The following TMEM44 variants were observed in gnomAD, a reference collection of about 807,000 sequenced individuals.
TMEM44 encodes the protein transmembrane protein 44.
In TMEM44, 43 loss-of-function variants were observed where a neutral mutation model predicts 47.8. The ratio of observed to expected loss-of-function variants is 0.90; its 90% CI spans 0.70 to 1.16. The LOEUF (loss-of-function observed/expected upper bound fraction) is 1.16, where lower values mean the gene tolerates loss of function less well. TMEM44 is among the 50% of genes most tolerant of loss of function. The probability of loss-of-function intolerance (pLI) is 0.00; values close to 1 mark genes in which losing one functional copy is unlikely to be tolerated. For synonymous variants in TMEM44, 277 were observed against 238.8 expected, an observed-to-expected ratio of 1.16 and a Z score of -1.48; for missense variants, 568 against 555.2, an observed-to-expected ratio of 1.02 and a Z score of -0.23.
intron 5 of TMEM44, 127 bp downstream of exon 5, chr3:194,623,097 A>G: frequency 1.1e-6 from 1 of 885,150 alleles, no homozygotes; most frequent in Non-Finnish European, 1.7e-6. Context: ...CTCTTCAGGA[A>G]AAGCTGAGCC....
intron 8 of TMEM44, among the ~76,000 whole-genome samples, chr3:194,606,370 G>C (rs879301971): frequency 1.3e-5 from 2 of 152,106 alleles, no homozygotes; most frequent in African/African-American, 2.4e-5. Flanking sequence ...AATGGGATAT[G>C]TATCAGTGGA....
intron 1 of TMEM44, 30 bp downstream of exon 1, chr3:194,633,049 C>CGACAGCCGCCA (rs912107189): frequency 1.8e-5 from 28 of 1,545,350 alleles, no homozygotes; most frequent in Non-Finnish European, 2.4e-5. Context: ...TTTCCCCGCC[C>CGACAGCCGCCA]GACAGCCCCC....
At chr3:194,604,467 G>C in intron 8 of TMEM44, 22 bp from the exon 9 acceptor site, 1 of 1,483,144 alleles carries the variant, frequency 6.7e-7, no homozygotes, top group Non-Finnish European at 9.0e-7. Context: ...GTGAGAAAGG[G>C]CAGGCAAGGA....
At chr3:194,626,588 G>A (rs934439955) in intron 2 of TMEM44, among the ~76,000 whole-genome samples, 3 of 152,026 alleles carry the variant, frequency 2.0e-5, no homozygotes, top group African/African-American at 7.3e-5. Context: ...CTCTACATCT[G>A]TAGAACAGGA....
chr3:194,602,245 A>C (rs1051305614), intron 9 of TMEM44, among the ~76,000 whole-genome samples: 7 of 152,200 alleles, frequency 4.6e-5, no homozygotes, highest in Non-Finnish European at 8.8e-5. Context: ...AGAGACGCAA[A>C]GGCAACCCAG....
At chr3:194,594,329 A>T (rs957581836) in intron 9 of TMEM44, among the ~76,000 whole-genome samples, 5 of 151,346 alleles carry the variant, frequency 3.3e-5, no homozygotes, top group African/African-American at 1.2e-4. Context: ...ATGCCCAGCT[A>T]ATTTTGTATT....
chr3:194,602,713 G>T (rs569154049), intron 9 of TMEM44, among the ~76,000 whole-genome samples: 63 of 152,298 alleles, frequency 4.1e-4, no homozygotes, highest in Non-Finnish European at 8.2e-4. Context: ...AGAAGAGTCC[G>T]TGGCCAGGTA....
chr3:194,604,948 C>T (rs908104097), intron 8 of TMEM44, among the ~76,000 whole-genome samples: 12 of 152,148 alleles, frequency 7.9e-5, no homozygotes, highest in African/African-American at 2.4e-4. Context: ...TTCCCAGAGG[C>T]GGAATTGCTG....
chr3:194,603,424 GTC>G (rs1714384802), intron 9 of TMEM44, among the ~76,000 whole-genome samples: 1 of 151,916 alleles, frequency 6.6e-6, no homozygotes, highest in African/African-American at 2.4e-5. Context: ...TTTAGATGGA[GTC>G]TCGCTCTGTT....
At chr3:194,627,848 G>A (rs1038618326) in intron 2 of TMEM44, among the ~76,000 whole-genome samples, 4 of 152,062 alleles carry the variant, frequency 2.6e-5, no homozygotes, top group East Asian at 1.9e-4. Context: ...GTGTGGTGGC[G>A]TGCGCCTGTA....
chr3:194,592,232 A>C (rs1266071732), intron 9 of TMEM44, among the ~76,000 whole-genome samples: 51 of 152,040 alleles, frequency 3.4e-4, no homozygotes, highest in Non-Finnish European at 6.2e-4. Context: ...CTCAAAAAAA[A>C]AAAAAAAAAA....
chr3:194,614,224 C>T (rs1041152425), intron 7 of TMEM44, among the ~76,000 whole-genome samples: 6 of 152,136 alleles, frequency 3.9e-5, no homozygotes, highest in Admixed American at 2.0e-4. Context: ...AATGGGTCCT[C>T]GTGGCTTGAG....
chr3:194,588,340 G>A lies in TMEM44; in HGVS notation c.*189C>T, dbSNP rs1483432430. The stretch of plus-strand genomic sequence containing the variant: ...CTGGGCCTATCCAGGTCTGTCCGCA[G>A]TACCCAAAGTCGTAGCTCCGTGATG... On this transcript the variant is annotated 3_prime_UTR_variant, in exon 10 of 10. Transcript: ENST00000347147. 8.5e-6 allele frequency: 5 copies of A among 586,928 alleles called. No homozygotes were observed. The highest frequency in any genetic ancestry group is 1.5e-5 in the Non-Finnish European group (5 of 331,178). 36.4% of individuals were successfully genotyped at this position (586,928 alleles called of 1,614,324 possible). A position where few individuals can be genotyped will look rare whatever the true frequency, so the allele number is the denominator to read the frequency against.
chr3:194,622,013 ATTC>A (rs1157535950), intron 5 of TMEM44, among the ~76,000 whole-genome samples: 13 of 152,182 alleles, frequency 8.5e-5, no homozygotes, highest in Admixed American at 3.3e-4. Context: ...CACCCAGCTG[ATTC>A]TTTTCAGACT....
intron 1 of TMEM44, among the ~76,000 whole-genome samples, chr3:194,629,585 C>T (rs1717550388): frequency 6.6e-6 from 1 of 150,850 alleles, no homozygotes; most frequent in Non-Finnish European, 1.5e-5. Flanking sequence ...TACATGCCTC[C>T]TGAAGGGGCT....
At position 194,630,892 on chromosome 3, in the gene TMEM44, C is replaced by T. The variant is rs113186493; in HGVS notation, c.137+2187G>A. Among the ~76,000 whole-genome samples the T allele has an allele frequency of 3.7e-4, 52 of 142,078 alleles. 1 individual carries two copies. The highest frequency in any genetic ancestry group is 1.3e-3 in the African/African-American group (49 of 37,046). The allele number at this position is 142,078 out of a possible 152,430, so 93.2% of individuals were successfully genotyped here. A position where few individuals can be genotyped will look rare whatever the true frequency, so the allele number is the denominator to read the frequency against. On this transcript the variant is annotated intron_variant, in intron 1 of 9. Transcript: ENST00000347147. ...GCCTCCCGAAGGGGCTGGCTGTTTC[C>T]GTCAGCGTCACTGATGGGGCCTCTG...
intron 6 of TMEM44, chr3:194,616,345 C>T (rs1351881781): frequency 6.4e-6 from 2 of 311,912 alleles, no homozygotes; most frequent in Non-Finnish European, 1.3e-5. Context: ...AGCCACCGTG[C>T]CCGGCCCAGA....
intron 9 of TMEM44, chr3:194,589,166 A>G (rs1447109868): frequency 6.5e-6 from 1 of 154,356 alleles, no homozygotes; most frequent in African/African-American, 2.4e-5. Context: ...TGCCTGGCTA[A>G]GTTTTTAATT....
chr3:194,622,183 G>A (rs1406455377), intron 5 of TMEM44, among the ~76,000 whole-genome samples: 1 of 152,182 alleles, frequency 6.6e-6, no homozygotes, highest in African/African-American at 2.4e-5. Flanking sequence ...TCGCACGTGG[G>A]GGCTTTTCCT....
Sources: allele counts gnomAD v4.1 joint callset (sites outside exome capture counted in the v4.1 genomes callset), GRCh38; gene constraint gnomAD v4.1.1; transcripts MANE v1.5; gene names NCBI Gene and HGNC (gene_info 2026-07-23, HGNC 2026-07-21).